The following MYO7A variants were observed in gnomAD, a reference collection of about 807,000 sequenced individuals.
The protein encoded by MYO7A is myosin VIIA.
In MYO7A, 210 loss-of-function variants were observed where a neutral mutation model predicts 263.8. That is an observed-to-expected ratio of 0.80 (90% CI 0.71 to 0.89). MYO7A has a LOEUF of 0.89. Among genes scored for constraint, MYO7A ranks in the 40% least tolerant of loss-of-function variants. The pLI is 0.00. For missense variants in MYO7A, 2,820 were observed against 2,968.3 expected (o/e 0.95, Z 1.16); for synonymous variants, 1,239 against 1,197.3 (o/e 1.03, Z -0.72).
chr11:77,188,314 A>C (rs1277170799), intron 27 of MYO7A, among the ~76,000 whole-genome samples: 3 of 152,174 alleles, frequency 2.0e-5, no homozygotes, highest in Non-Finnish European at 4.4e-5. Flanking sequence ...TTGCCCTCCT[A>C]CTGTTTGGAA....
chr11:77,129,042 T>C (rs1950688549), intron 1 of MYO7A, among the ~76,000 whole-genome samples: 1 of 152,250 alleles, frequency 6.6e-6, no homozygotes. Context: ...GGTCTAGTTC[T>C]CATTTTTAGA....
At chr11:77,190,413 T>C (rs1955969401) in intron 29 of MYO7A, among the ~76,000 whole-genome samples, 1 of 152,054 alleles carries the variant, frequency 6.6e-6, no homozygotes, top group Non-Finnish European at 1.5e-5. Flanking sequence ...ACCTGCCACA[T>C]GGTGAAGGTT....
chr11:77,167,588 G>A (rs887502816), intron 15 of MYO7A, among the ~76,000 whole-genome samples: 2 of 152,140 alleles, frequency 1.3e-5, no homozygotes, highest in Non-Finnish European at 2.9e-5. Flanking sequence ...CTCCCACGGT[G>A]CTCTAGACCC....
At chr11:77,213,787 G>A in intron 47 of MYO7A, 73 bp from the exon 48 acceptor site, 1 of 1,607,140 alleles carries the variant, frequency 6.2e-7, no homozygotes, top group African/African-American at 1.3e-5. Flanking sequence ...GAGGCCTTCT[G>A]TGAGGGCATG....
In MYO7A at chr11:77,179,036, C is replaced by T; in HGVS notation, c.2283-9C>T. On this transcript the variant is annotated splice_polypyrimidine_tract_variant and intron_variant, in intron 19 of 48. Coordinates refer to ENST00000409709, the MANE Select transcript of MYO7A (RefSeq NM_000260.4). The stretch of plus-strand genomic sequence containing the variant: ...ACACTGCTCACCCGCGCCACTACTG[C>T]TGTTTCAGGTCTAACTTTCTGAAGC... 1 of 1,597,976 alleles carries T rather than the reference C, an allele frequency of 6.3e-7. No homozygotes were observed. Among genetic ancestry groups the T allele is most frequent in the Non-Finnish European group, 8.5e-7 (1 of 1,172,852 alleles).
intron 2 of MYO7A, among the ~76,000 whole-genome samples, chr11:77,140,848 T>G (rs1226301865): frequency 2.0e-5 from 3 of 152,178 alleles, no homozygotes; most frequent in African/African-American, 7.2e-5. Flanking sequence ...GGAGGAAGTT[T>G]GGGTTTGGGA....
At position 77,158,331 on chromosome 11, in the gene MYO7A, C is replaced by T. The variant is rs781922871; in HGVS notation, c.904C>T (p.Arg302Cys). Residue 302 changes from arginine (R) to cysteine (C), a missense_variant, in exon 9 of 49, where the codon CGC becomes TGC. Coordinates refer to ENST00000409709, the MANE Select transcript of MYO7A (RefSeq NM_000260.4). ...GGACAGCCAGGAGTACGCCAACATCCGCTCCGCCATGAAGGTGCTCATGTT... is the reference window on the plus strand; with the variant it reads ...GGACAGCCAGGAGTACGCCAACATCTGCTCCGCCATGAAGGTGCTCATGTT... Reference protein sequence around the residue: ...RVDSQEYANIRSAMKVLMFTD... With the variant: ...RVDSQEYANICSAMKVLMFTD... 31 of 1,613,124 alleles carry T rather than the reference C, an allele frequency of 1.9e-5. No homozygotes were observed. The highest frequency in any genetic ancestry group is 1.5e-4 in the Admixed American group (9 of 59,964).
In MYO7A at chr11:77,202,412, A is replaced by G. The variant is rs77625410; in HGVS notation, c.5156A>G (p.Tyr1719Cys). Residue 1719 changes from tyrosine (Y) to cysteine (C), a missense_variant, in exon 37 of 49, where the codon TAT becomes TGT. Physicochemically the swap from Tyr to Cys is radical, Grantham distance 194 (BLOSUM62 -2). Coordinates refer to ENST00000409709, the MANE Select transcript of MYO7A (RefSeq NM_000260.4). ...AKPYTLEEFS[Y>C]DYFRPPPKHT... ...CCCTACACGCTGGAGGAGTTTTCCT[A>G]TGACTACTTCAGGTGATGCCTCCTG... 0.015 allele frequency: 23,789 copies of G among 1,552,260 alleles called. 770 individuals are homozygous for G. Among genetic ancestry groups the G allele is most frequent in the African/African-American group, 0.13 (9,773 of 73,220 alleles).
intron 4 of MYO7A, among the ~76,000 whole-genome samples, chr11:77,152,884 C>A (rs887010822): frequency 6.6e-6 from 1 of 152,054 alleles, no homozygotes; most frequent in Non-Finnish European, 1.5e-5. Context: ...GTAGGGGAAG[C>A]GTGTCCCTGG....
At position 77,198,478 on chromosome 11, in the gene MYO7A, C is replaced by T. The variant is rs777920842; in HGVS notation, c.4442-17C>T. 19 of 1,612,594 alleles carry T rather than the reference C, an allele frequency of 1.2e-5. No individual in the cohort carries two copies. In the South Asian group the frequency reaches 1.9e-4, roughly 16 times the overall value. ...GGTGTGGGAGGCCTGCCTCTCAGTG[C>T]CTTGGTCTCGTCCCAGGCCCCAGTC... On this transcript the variant is annotated splice_polypyrimidine_tract_variant and intron_variant, in intron 33 of 48. Transcript: ENST00000409709.
At chr11:77,171,194 T>TG (rs1327635145) in intron 15 of MYO7A, among the ~76,000 whole-genome samples, 3 of 152,184 alleles carry the variant, frequency 2.0e-5, no homozygotes, top group Non-Finnish European at 4.4e-5. Flanking sequence ...CGCGGTGGTA[T>TG]GCGTGTGCTC....
At chr11:77,161,261 TC>T in intron 12 of MYO7A, 146 bp downstream of exon 12, 1 of 1,050,992 alleles carries the variant, frequency 9.5e-7, no homozygotes, top group Non-Finnish European at 1.4e-6. Flanking sequence ...CCTCTCCCTT[TC>T]CTTCCCATCC....
At chr11:77,180,622 A>G in intron 22 of MYO7A, 141 bp downstream of exon 22, 1 of 686,478 alleles carries the variant, frequency 1.5e-6, no homozygotes, top group South Asian at 1.9e-5. Flanking sequence ...CTCAGCCAGC[A>G]TTGCCTGAGC....
At position 77,156,845 on chromosome 11, in the gene MYO7A, C is replaced by T. The variant is rs544920350; in HGVS notation, c.593-17C>T. 2.1e-4 allele frequency: 342 copies of T among 1,613,936 alleles called. No individual in the cohort carries two copies. Among genetic ancestry groups the T allele is most frequent in the Middle Eastern group, 6.6e-4 (4 of 6,062 alleles). On this transcript the variant is annotated splice_polypyrimidine_tract_variant and intron_variant, in intron 6 of 48. Transcript: ENST00000409709. ...GCGGGAGCGGGCTTTGCCAGTGACA[C>T]CCTACTCACTCCGCAGCATTTGGGA...
chr11:77,169,632 A>G (rs948689619), intron 15 of MYO7A, among the ~76,000 whole-genome samples: 25 of 152,212 alleles, frequency 1.6e-4, no homozygotes, highest in African/African-American at 6.0e-4. Context: ...AAATAAAACC[A>G]AATCAGAAAC....
At chr11:77,197,936 C>T (rs922531820) in intron 33 of MYO7A, among the ~76,000 whole-genome samples, 3 of 109,206 alleles carry the variant, frequency 2.7e-5, no homozygotes, top group Non-Finnish European at 4.1e-5. Context: ...ATCTTCTGTG[C>T]TCAGTGGTGC....
At chr11:77,204,334 C>A in intron 39 of MYO7A, 105 bp downstream of exon 39, 1 of 1,445,514 alleles carries the variant, frequency 6.9e-7, no homozygotes, top group Non-Finnish European at 9.4e-7. Flanking sequence ...TGCAGTCCTT[C>A]CTCACACAGA....
rs117966637 is a variant in MYO7A at position 77,189,442 on chromosome 11, G to C, written c.3602G>C (p.Cys1201Ser). The C allele has an allele frequency of 9.5e-5, 154 of 1,613,886 alleles. 1 individual carries two copies. In the East Asian group the frequency reaches 3.2e-3, roughly 34 times the overall value. ...ATTCTCGTGTCTCTCTGCGTGGGCTGTTTCGCCCCCTCCGAGAAGTTTGTC... is the reference window on the plus strand; with the variant it reads ...ATTCTCGTGTCTCTCTGCGTGGGCTCTTTCGCCCCCTCCGAGAAGTTTGTC... Reference protein sequence around the residue: ...GWILVSLCVGCFAPSEKFVKY... With the variant: ...GWILVSLCVGSFAPSEKFVKY... The change falls in exon 28 of 49, where the codon TGT becomes TCT. Residue 1201 changes from cysteine (C) to serine (S), a missense_variant. Cys to Ser is a moderately radical substitution (Grantham distance 112, BLOSUM62 -1). Coordinates refer to ENST00000409709, the MANE Select transcript of MYO7A (RefSeq NM_000260.4).
At chr11:77,178,987 C>G (rs1292912233) in intron 19 of MYO7A, 58 bp from the exon 20 acceptor site, 2 of 1,452,296 alleles carry the variant, frequency 1.4e-6, no homozygotes, top group African/African-American at 2.8e-5. Flanking sequence ...ATCCCAAACC[C>G]ACCTGTACCC....
Sources: allele counts gnomAD v4.1 joint callset (sites outside exome capture counted in the v4.1 genomes callset), GRCh38; gene constraint gnomAD v4.1.1; transcripts MANE v1.5; gene names NCBI Gene and HGNC (gene_info 2026-07-23, HGNC 2026-07-21).